Variants in MEGF9 observed in about 807,000 individuals in gnomAD.
MEGF9 encodes the protein multiple epidermal growth factor-like domains protein 9.
MEGF9 carries 6 observed loss-of-function variants against 46.8 expected under a neutral mutation model. The ratio of observed to expected loss-of-function variants is 0.13; its 90% CI spans 0.07 to 0.25. The LOEUF (loss-of-function observed/expected upper bound fraction) is 0.25. Among genes scored for constraint, MEGF9 ranks in the 10% least tolerant of loss-of-function variants. The probability of loss-of-function intolerance (pLI) is 1.00; values close to 1 mark genes in which losing one functional copy is unlikely to be tolerated. For synonymous variants in MEGF9, 302 were observed against 330.7 expected, an observed-to-expected ratio of 0.91 and a Z score of 0.94; for missense variants, 683 against 792.4, an observed-to-expected ratio of 0.86 and a Z score of 1.66.
intron 1 of MEGF9, among the ~76,000 whole-genome samples, chr9:120,670,827 C>T (rs182069428): frequency 7.0e-4 from 106 of 152,282 alleles, no homozygotes; most frequent in Admixed American, 6.9e-3. Flanking sequence ...CTACTTGAGC[C>T]TTTTCAAGCT....
chr9:120,666,098 GT>G (rs901645718), intron 1 of MEGF9, among the ~76,000 whole-genome samples: 1 of 151,644 alleles, frequency 6.6e-6, no homozygotes. Context: ...GAATTTTAGG[GT>G]TTTTTTTAAA....
chr9:120,621,890 T>C (rs1164298757), intron 3 of MEGF9, among the ~76,000 whole-genome samples: 2 of 152,218 alleles, frequency 1.3e-5, no homozygotes, highest in Non-Finnish European at 2.9e-5. Flanking sequence ...TTACTATTTC[T>C]TGGTCAGAGC....
intron 2 of MEGF9, among the ~76,000 whole-genome samples, chr9:120,636,072 T>C (rs2043572829): frequency 6.6e-6 from 1 of 152,146 alleles, no homozygotes; most frequent in Admixed American, 6.5e-5. Context: ...GAAGCTGGAA[T>C]TAACACGTGT....
intron 5 of MEGF9, among the ~76,000 whole-genome samples, chr9:120,606,202 A>G (rs2043420059): frequency 6.6e-6 from 1 of 152,118 alleles, no homozygotes; most frequent in East Asian, 1.9e-4. Flanking sequence ...CTTTGGGAAA[A>G]TACCAGTGTT....
intron 4 of MEGF9, 101 bp from the exon 5 acceptor site, chr9:120,608,111 T>C: frequency 2.2e-6 from 3 of 1,372,518 alleles, no homozygotes; most frequent in Non-Finnish European, 3.0e-6. Flanking sequence ...TCCCAGAACT[T>C]TGGAGGCCAA....
In MEGF9 at chr9:120,607,899, C is replaced by G. The variant is rs763765268; in HGVS notation, c.1199G>C (p.Cys400Ser). ...YYNFDSICRK[C>S]QCHGHVDPVK... ...TGGGTCCACATGGCCGTGACATTGG[C>G]ACTTTCTACAGATGCTGTCAAAATT... The change falls in exon 5 of 6, where the codon TGC becomes TCC. Residue 400 changes from cysteine (C) to serine (S), a missense_variant. Physicochemically the swap from Cys to Ser is moderately radical, Grantham distance 112. This residue lies in a region of MEGF9 where 313 missense variants were observed against 421.1 expected (regional missense o/e 0.74). Coordinates refer to ENST00000373930, the MANE Select transcript of MEGF9 (RefSeq NM_001080497.3). 6.2e-7 allele frequency: 1 copy of G among 1,613,900 alleles called. No individual in the cohort carries two copies. Among genetic ancestry groups the G allele is most frequent in the African/African-American group, 1.3e-5 (1 of 74,922 alleles).
At chr9:120,672,999 G>A (rs1444569903) in intron 1 of MEGF9, among the ~76,000 whole-genome samples, 1 of 151,936 alleles carries the variant, frequency 6.6e-6, no homozygotes, top group Non-Finnish European at 1.5e-5. Context: ...CTCCAGCCTG[G>A]GCAACAAGGG....
At chr9:120,624,296 C>T (rs780186065) in intron 2 of MEGF9, among the ~76,000 whole-genome samples, 3 of 152,062 alleles carry the variant, frequency 2.0e-5, no homozygotes, top group African/African-American at 2.4e-5. Context: ...GGCGTGATTT[C>T]GGCTCACTGC....
At chr9:120,710,315 C>T (rs2043947399) in intron 1 of MEGF9, among the ~76,000 whole-genome samples, 1 of 150,618 alleles carries the variant, frequency 6.6e-6, no homozygotes, top group Admixed American at 6.7e-5. Flanking sequence ...GTAATCCCAG[C>T]TACTTGGAAG....
intron 1 of MEGF9, among the ~76,000 whole-genome samples, chr9:120,681,082 G>T (rs1030090082): frequency 1.3e-5 from 2 of 152,086 alleles, no homozygotes; most frequent in Non-Finnish European, 2.9e-5. Context: ...CTTTCCCTCT[G>T]CTTTTCTCAA....
At chr9:120,691,861 A>G (rs1169518684) in intron 1 of MEGF9, among the ~76,000 whole-genome samples, 1 of 152,212 alleles carries the variant, frequency 6.6e-6, no homozygotes, top group Non-Finnish European at 1.5e-5. Flanking sequence ...AGAGAGGAAG[A>G]AAACTACTTC....
intron 3 of MEGF9, among the ~76,000 whole-genome samples, chr9:120,622,118 C>T (rs758392363): frequency 6.6e-6 from 1 of 152,164 alleles, no homozygotes; most frequent in African/African-American, 2.4e-5. Context: ...ACCTTTCTGG[C>T]CCAGCCTTCC....
intron 3 of MEGF9, among the ~76,000 whole-genome samples, chr9:120,620,811 C>T (rs1196969718): frequency 6.7e-6 from 1 of 150,042 alleles, no homozygotes; most frequent in East Asian, 2.0e-4. Flanking sequence ...AAGAACGCCA[C>T]AAGATAAAAC....
intron 2 of MEGF9, among the ~76,000 whole-genome samples, chr9:120,645,774 A>G (rs1398973468): frequency 6.6e-6 from 1 of 152,226 alleles, no homozygotes; most frequent in Non-Finnish European, 1.5e-5. Context: ...ATAAAGATTA[A>G]CAGTTTTAAA....
chr9:120,619,301 C>T (rs893493694), intron 3 of MEGF9, among the ~76,000 whole-genome samples: 2 of 152,090 alleles, frequency 1.3e-5, no homozygotes, highest in African/African-American at 2.4e-5. Context: ...GAGCCGAGAT[C>T]GCGCCACCAT....
chr9:120,647,813 C>T (rs1383431173), intron 2 of MEGF9, among the ~76,000 whole-genome samples: 1 of 152,140 alleles, frequency 6.6e-6, no homozygotes, highest in African/African-American at 2.4e-5. Flanking sequence ...AACCTAACAT[C>T]ATCATGTCCC....
rs146463656 is a variant in MEGF9 at position 120,665,398 on chromosome 9, T to C, written c.602-5823A>G. On this transcript the variant is annotated intron_variant, in intron 1 of 5. Coordinates refer to ENST00000373930, the MANE Select transcript of MEGF9 (RefSeq NM_001080497.3). ...TTTTGTATTTTTAGTAGAGATGGTG[T>C]TTCACCATGTTGTTAAGGCTAGTCT... is the stretch of plus-strand genomic sequence containing the variant. 1.6e-3 allele frequency among the ~76,000 whole-genome samples: 241 copies of C among 152,200 alleles called. 2 individuals are homozygous for C. The highest frequency in any genetic ancestry group is 5.7e-3 in the African/African-American group (235 of 41,520).
Position 120,658,941 on chromosome 9 carries a change from G to C in MEGF9, c.803+433C>G, listed in dbSNP as rs57360567. Among the ~76,000 whole-genome samples the C allele has an allele frequency of 5.2e-3, 794 of 152,264 alleles. 7 individuals are homozygous for C. The highest frequency in any genetic ancestry group is 0.018 in the African/African-American group (755 of 41,530). On this transcript the variant is annotated intron_variant, in intron 2 of 5. Transcript: ENST00000373930. ...GGTACCCCCAGGTTAAGCTTTAGAT[G>C]TCCAAAGAAACAAATGTAGAATTTT...
intron 3 of MEGF9, among the ~76,000 whole-genome samples, chr9:120,622,168 G>C (rs186150062): frequency 6.6e-6 from 1 of 152,248 alleles, no homozygotes; most frequent in African/African-American, 2.4e-5. Context: ...GGGAAAGCTG[G>C]CCTTGTGTTT....
Sources: gnomAD v4.1 joint callset for allele counts (sites outside exome capture counted in the v4.1 genomes callset) on GRCh38, gnomAD v4.1.1 for gene constraint, gnomAD v4.1.1 regional missense constraint, MANE v1.5 for transcripts, NCBI Gene and HGNC (gene_info 2026-07-23, HGNC 2026-07-21) for gene names.